HFM1: variants seen among roughly 807,000 people sequenced by gnomAD.
The protein encoded by HFM1 is helicase for meiosis 1, also known as probable ATP-dependent DNA helicase HFM1.
HFM1 carries 169 observed loss-of-function variants against 192.1 expected under a neutral mutation model. That is an observed-to-expected ratio of 0.88 (90% CI 0.78 to 1.00). The LOEUF (loss-of-function observed/expected upper bound fraction) is 1.00. Among genes scored for constraint, HFM1 ranks in the 50% least tolerant of loss-of-function variants. The probability of loss-of-function intolerance (pLI) is 0.00; values close to 1 mark genes in which losing one functional copy is unlikely to be tolerated. For synonymous variants in HFM1, 525 were observed against 537.8 expected (o/e 0.98, Z 0.33); for missense variants, 1,661 against 1,668.0 (o/e 1.00, Z 0.07).
In HFM1 at chr1:91,370,477, CA is replaced by C. The variant is rs1481253669; in HGVS notation, c.1685+4880del. Among the ~76,000 whole-genome samples the C allele has an allele frequency of 3.3e-5, 5 of 152,186 alleles. No homozygotes were observed. In the East Asian group the frequency reaches 7.7e-4, roughly 24 times the overall value. On this transcript the variant is annotated intron_variant, in intron 13 of 38. Coordinates refer to ENST00000370425, the MANE Select transcript of HFM1 (RefSeq NM_001017975.6). Reference sequence around the variant, plus strand: ...ACGTAATCCAGCATATAAACAGAACCAAAGACAAAAACCACATGATTATCTC... The same window carrying C: ...ACGTAATCCAGCATATAAACAGAACCAAGACAAAAACCACATGATTATCTC...
At chr1:91,279,731 AC>A (rs1158708787) in intron 30 of HFM1, among the ~76,000 whole-genome samples, 1 of 152,060 alleles carries the variant, frequency 6.6e-6, no homozygotes, top group Non-Finnish European at 1.5e-5. Flanking sequence ...ATGCCTACCA[AC>A]CTTCAAGTCT....
intron 20 of HFM1, among the ~76,000 whole-genome samples, chr1:91,333,169 G>A (rs1434109995): frequency 1.3e-5 from 2 of 152,182 alleles, no homozygotes; most frequent in African/African-American, 4.8e-5. Context: ...TATTGCAGCA[G>A]TGTTCACAAT....
intron 20 of HFM1, chr1:91,329,180 C>T: frequency 1.2e-6 from 2 of 1,609,988 alleles, no homozygotes; most frequent in Middle Eastern, 2.0e-4. Context: ...CCAACAAGTA[C>T]CCTTTGCCAG....
intron 18 of HFM1, among the ~76,000 whole-genome samples, chr1:91,349,699 T>C (rs1656670995): frequency 6.6e-6 from 1 of 152,204 alleles, no homozygotes; most frequent in South Asian, 2.1e-4. Context: ...TGACATATGT[T>C]GCAATCTGAA....
At chr1:91,266,300 T>C (rs1288596410) in intron 35 of HFM1, among the ~76,000 whole-genome samples, 193 bp from the exon 36 acceptor site, 1 of 152,182 alleles carries the variant, frequency 6.6e-6, no homozygotes, top group Non-Finnish European at 1.5e-5. Context: ...CTAAAACATA[T>C]AGATTAGCTT....
intron 4 of HFM1, among the ~76,000 whole-genome samples, chr1:91,393,774 C>A (rs1268862176): frequency 6.6e-5 from 10 of 152,056 alleles, no homozygotes. Flanking sequence ...TCTGTTCAAA[C>A]CCAAGGCATT....
At chr1:91,335,874 C>G in intron 20 of HFM1, among the ~76,000 whole-genome samples, 1 of 151,996 alleles carries the variant, frequency 6.6e-6, no homozygotes. Context: ...CTGAGCATGG[C>G]AGGGATGCTA....
chr1:91,368,673 G>A lies in HFM1; in HGVS notation c.1685+6685C>T, dbSNP rs565493856. Among the ~76,000 whole-genome samples the A allele has an allele frequency of 4.8e-3, 725 of 152,272 alleles. 3 individuals are homozygous for A. The highest frequency in any genetic ancestry group is 6.9e-3 in the Non-Finnish European group (470 of 68,014). ...CAAATTGTAAAGACCATCAAGGCTA[G>A]GAAGAAACTGCATCCACTAACGAGC... is the stretch of plus-strand genomic sequence containing the variant. On this transcript the variant is annotated intron_variant, in intron 13 of 38. Transcript: ENST00000370425.
At chr1:91,364,624 A>ATTT (rs1439970664) in intron 13 of HFM1, among the ~76,000 whole-genome samples, 17 of 37,948 alleles carry the variant, frequency 4.5e-4, no homozygotes, top group African/African-American at 1.3e-3. Flanking sequence ...ATATATATAT[A>ATTT]TATATATATT....
intron 30 of HFM1, among the ~76,000 whole-genome samples, chr1:91,289,109 G>T (rs2100902545): frequency 6.6e-6 from 1 of 151,902 alleles, no homozygotes; most frequent in African/African-American, 2.4e-5. Flanking sequence ...CCCAGATGGG[G>T]CGGCTGCCAG....
chr1:91,329,197 G>A (rs903817286), intron 20 of HFM1: 58 of 1,609,354 alleles, frequency 3.6e-5, no homozygotes, highest in East Asian at 6.7e-5. Context: ...CCAGAAAATC[G>A]GCTCCACAAG....
Position 91,319,227 on chromosome 1 carries a change from A to G in HFM1, c.2681-18T>C, listed in dbSNP as rs369572886. The G allele has an allele frequency of 5.0e-4, 804 of 1,603,734 alleles. No homozygotes were observed. Among genetic ancestry groups the G allele is most frequent in the Non-Finnish European group, 6.5e-4 (765 of 1,176,296 alleles). On this transcript the variant is annotated intron_variant, in intron 24 of 38. Coordinates refer to ENST00000370425, the MANE Select transcript of HFM1 (RefSeq NM_001017975.6). Reference sequence around the variant, plus strand: ...TGACAACCCTAAAAAAAAAGTTTCCAGTATTAAATCTAATATACCAGTTTA... The same window carrying G: ...TGACAACCCTAAAAAAAAAGTTTCCGGTATTAAATCTAATATACCAGTTTA...
rs971479150 is a variant in HFM1 at position 91,340,063 on chromosome 1, T to C, written c.2335+3367A>G. ...CTCTGTCACCCAGGATGGATGGCAG[T>C]GGTGCAATCTTGGCTCACTGCAACC... On this transcript the variant is annotated intron_variant, in intron 20 of 38. Transcript: ENST00000370425. Among the ~76,000 whole-genome samples the C allele has an allele frequency of 2.4e-4, 36 of 152,120 alleles. 1 individual carries two copies. The highest frequency in any genetic ancestry group is 8.7e-4 in the African/African-American group (36 of 41,434).
At chr1:91,332,443 A>ATG (rs1394896637) in intron 20 of HFM1, among the ~76,000 whole-genome samples, 5 of 152,174 alleles carry the variant, frequency 3.3e-5, no homozygotes, top group Non-Finnish European at 7.3e-5. Flanking sequence ...TGATATATAT[A>ATG]AAAATCAAAT....
intron 13 of HFM1, among the ~76,000 whole-genome samples, chr1:91,356,099 G>C (rs1657693510): frequency 6.6e-6 from 1 of 151,820 alleles, no homozygotes; most frequent in African/African-American, 2.4e-5. Flanking sequence ...AAAATCACAA[G>C]TATGTGGAAA....
intron 13 of HFM1, among the ~76,000 whole-genome samples, chr1:91,364,554 T>C (rs1437611459): frequency 2.7e-5 from 4 of 147,194 alleles, no homozygotes; most frequent in African/African-American, 5.0e-5. Context: ...GTTGATGAAC[T>C]AATGCATAAG....
chr1:91,322,632 G>A (rs1652297177), intron 23 of HFM1, among the ~76,000 whole-genome samples: 2 of 152,064 alleles, frequency 1.3e-5, no homozygotes, highest in Admixed American at 1.3e-4. Flanking sequence ...TTATTACACA[G>A]GTTTTCATAC....
At chr1:91,270,515 T>G (rs1666182563) in intron 34 of HFM1, among the ~76,000 whole-genome samples, 1 of 150,482 alleles carries the variant, frequency 6.6e-6, no homozygotes, top group African/African-American at 2.4e-5. Context: ...ACATAGTCAG[T>G]GATTAAAGAC....
In HFM1 at chr1:91,275,919, T is replaced by G. The variant is rs890705705; in HGVS notation, c.3588+709A>C. Among the ~76,000 whole-genome samples, 5 of 152,294 alleles carry G rather than the reference T, an allele frequency of 3.3e-5. No homozygotes were observed. In the East Asian group the frequency reaches 9.7e-4, roughly 29 times the overall value. On this transcript the variant is annotated intron_variant, in intron 32 of 38. Coordinates refer to ENST00000370425, the MANE Select transcript of HFM1 (RefSeq NM_001017975.6). Reference sequence around the variant, plus strand: ...TTTCATTGGCTTCTCAGTACTTTCATGATAAAGTCTAATCCCTTAAAATAG... The same window carrying G: ...TTTCATTGGCTTCTCAGTACTTTCAGGATAAAGTCTAATCCCTTAAAATAG...
Sources: gnomAD v4.1 joint callset for allele counts (sites outside exome capture counted in the v4.1 genomes callset) on GRCh38, gnomAD v4.1.1 for gene constraint, MANE v1.5 for transcripts, NCBI Gene and HGNC (gene_info 2026-07-23, HGNC 2026-07-21) for gene names.